The following UBAP1 variants were observed in gnomAD, a reference collection of about 807,000 sequenced individuals.
UBAP1 encodes the protein ubiquitin-associated protein 1.
In UBAP1, 5 loss-of-function variants were observed where a neutral mutation model predicts 39.0. That is an observed-to-expected ratio of 0.13 (90% CI 0.07 to 0.27). The LOEUF is 0.27. Ranked by LOEUF, UBAP1 falls within the 10% of genes least tolerant of loss-of-function variation. UBAP1 has a pLI of 1.00. For synonymous variants in UBAP1, 211 were observed against 225.1 expected (o/e 0.94, Z 0.56); for missense variants, 490 against 608.1 (o/e 0.81, Z 2.04).
intron 1 of UBAP1, among the ~76,000 whole-genome samples, chr9:34,209,967 T>G (rs1449755925): frequency 6.6e-6 from 1 of 152,196 alleles, no homozygotes; most frequent in Non-Finnish European, 1.5e-5. Flanking sequence ...CATATCCACA[T>G]AAACATACTT....
At chr9:34,232,264 A>T (rs1177504383) in intron 2 of UBAP1, among the ~76,000 whole-genome samples, 2 of 151,856 alleles carry the variant, frequency 1.3e-5, no homozygotes, top group Non-Finnish European at 2.9e-5. Context: ...CAAAGGGGTG[A>T]GACTACAGGC....
intron 2 of UBAP1, among the ~76,000 whole-genome samples, chr9:34,226,396 C>T (rs1833109136): frequency 6.6e-6 from 1 of 152,042 alleles, no homozygotes; most frequent in African/African-American, 2.4e-5. Flanking sequence ...ACCACCATGC[C>T]TGGCTAATTT....
At chr9:34,181,508 C>T (rs1446360998) in intron 1 of UBAP1, among the ~76,000 whole-genome samples, 1 of 151,814 alleles carries the variant, frequency 6.6e-6, no homozygotes, top group African/African-American at 2.4e-5. Context: ...TCTCGGCTCT[C>T]TGCAAGCTCT....
At chr9:34,237,310 A>T (rs1737436589) in intron 3 of UBAP1, among the ~76,000 whole-genome samples, 1 of 152,212 alleles carries the variant, frequency 6.6e-6, no homozygotes, top group African/African-American at 2.4e-5. Flanking sequence ...GCAACAGAAA[A>T]ATATGGTACT....
intron 1 of UBAP1, among the ~76,000 whole-genome samples, chr9:34,185,668 A>G (rs896186530): frequency 1.3e-5 from 2 of 152,142 alleles, no homozygotes; most frequent in Non-Finnish European, 2.9e-5. Context: ...CAACACGGTG[A>G]AACCCCGTCT....
intron 1 of UBAP1, among the ~76,000 whole-genome samples, chr9:34,188,917 A>G (rs1643197328): frequency 6.6e-6 from 1 of 152,128 alleles, no homozygotes; most frequent in African/African-American, 2.4e-5. Flanking sequence ...AGATCGTACC[A>G]TTGCACTCCA....
In UBAP1 at chr9:34,245,697, CACTG is replaced by C. The variant is rs200574615; in HGVS notation, c.1083+3594_1083+3597del. On this transcript the variant is annotated intron_variant, in intron 4 of 6. Transcript: ENST00000297661. ...TCACCAAGGGCTTTACTGCTCTGATCACTGACTGTGTGTATCTTTGCCTTATCCC... is the reference window on the plus strand; with the variant it reads ...TCACCAAGGGCTTTACTGCTCTGATCACTGTGTGTATCTTTGCCTTATCCC... 7.5e-3 allele frequency among the ~76,000 whole-genome samples: 576 copies of C among 76,424 alleles called. 8 individuals carry two copies. Among genetic ancestry groups the C allele is most frequent in the African/African-American group, 0.029 (546 of 18,588 alleles). 50.1% of individuals were successfully genotyped at this position (76,424 alleles called of 152,430 possible).
In UBAP1 at chr9:34,246,244, T is replaced by C. The variant is rs62556597; in HGVS notation, c.1084-3535T>C. Among the ~76,000 whole-genome samples, 980 of 152,304 alleles carry C rather than the reference T, an allele frequency of 6.4e-3. 12 individuals are homozygous for C. Among genetic ancestry groups the C allele is most frequent in the Non-Finnish European group, 8.2e-3 (557 of 68,038 alleles). On this transcript the variant is annotated intron_variant, in intron 4 of 6. Coordinates refer to ENST00000297661, the MANE Select transcript of UBAP1 (RefSeq NM_016525.5). ...ACCACACCTGGCTAACTTTTTGTGTTTTGTAGAGATGAGTCTCAACTATGT... is the reference window on the plus strand; with the variant it reads ...ACCACACCTGGCTAACTTTTTGTGTCTTGTAGAGATGAGTCTCAACTATGT...
At chr9:34,225,015 CAT>C (rs1267933255) in intron 2 of UBAP1, among the ~76,000 whole-genome samples, 1 of 152,250 alleles carries the variant, frequency 6.6e-6, no homozygotes, top group East Asian at 1.9e-4. Flanking sequence ...TGGCTAGCAT[CAT>C]AGAGATAGAG....
intron 1 of UBAP1, among the ~76,000 whole-genome samples, chr9:34,185,091 C>T (rs1160849195): frequency 2.0e-5 from 3 of 151,926 alleles, no homozygotes; most frequent in African/African-American, 4.8e-5. Context: ...CCTGCCACCA[C>T]GCCTGCTAAT....
intron 3 of UBAP1, among the ~76,000 whole-genome samples, chr9:34,239,940 A>G (rs886183037): frequency 2.0e-5 from 3 of 152,188 alleles, no homozygotes; most frequent in Non-Finnish European, 2.9e-5. Flanking sequence ...CAAGTATTCT[A>G]CATTACTTTG....
intron 2 of UBAP1, among the ~76,000 whole-genome samples, chr9:34,222,642 T>A (rs945448325): frequency 3.3e-5 from 5 of 151,832 alleles, no homozygotes; most frequent in Non-Finnish European, 5.9e-5. Context: ...AAAAAAATTT[T>A]AAAAATTAGC....
At chr9:34,250,421 G>T (rs1487002458) in intron 5 of UBAP1, among the ~76,000 whole-genome samples, 1 of 152,188 alleles carries the variant, frequency 6.6e-6, no homozygotes, top group African/African-American at 2.4e-5. Flanking sequence ...GTCAGCTGTG[G>T]CTGCAACTCC....
intron 3 of UBAP1, among the ~76,000 whole-genome samples, chr9:34,236,965 C>G (rs1048194518): frequency 1.3e-5 from 2 of 152,050 alleles, no homozygotes; most frequent in African/African-American, 4.8e-5. Flanking sequence ...CGTTATCTCT[C>G]TATATGTTGC....
Position 34,241,994 on chromosome 9 carries a change from T to C in UBAP1, c.969T>C (p.Ala323=). The change falls in exon 4 of 7, where the codon GCT becomes GCC. Residue 323 remains alanine (A), a synonymous_variant. Coordinates refer to ENST00000297661, the MANE Select transcript of UBAP1 (RefSeq NM_016525.5). Reference sequence around the variant, plus strand: ...GGCATCACACTCTTGGGCTTTCAGCTTTGAACTTGGACAGTGGCACAGAGA... The same window carrying C: ...GGCATCACACTCTTGGGCTTTCAGCCTTGAACTTGGACAGTGGCACAGAGA... The part of the protein sequence containing the change: ...LNGHHTLGLS[A]LNLDSGTEMP... 1 of 1,614,182 alleles carries C rather than the reference T, an allele frequency of 6.2e-7. No homozygotes were observed.
Position 34,252,416 on chromosome 9 carries a change from T to C in UBAP1, c.*884T>C, listed in dbSNP as rs957709498. 6.6e-5 allele frequency: 10 copies of C among 152,628 alleles called. No homozygotes were observed. Among genetic ancestry groups the C allele is most frequent in the African/African-American group, 2.4e-4 (10 of 41,444 alleles). 9.5% of individuals were successfully genotyped at this position (152,628 alleles called of 1,614,324 possible). A position where few individuals can be genotyped will look rare whatever the true frequency, so the allele number is the denominator to read the frequency against. On this transcript the variant is annotated 3_prime_UTR_variant, in exon 7 of 7. Transcript: ENST00000297661. ...GGTTTGTTTTGTATTATGTTGTACA[T>C]CATTAAAGATCTAAATACAAAGGAT...
At chr9:34,210,607 T>C (rs1729924475) in intron 1 of UBAP1, among the ~76,000 whole-genome samples, 3 of 151,616 alleles carry the variant, frequency 2.0e-5, no homozygotes, top group Admixed American at 1.3e-4. Flanking sequence ...TAGTACCAGC[T>C]ACCTGGGAGG....
chr9:34,227,688 G>T (rs1346388692), intron 2 of UBAP1, among the ~76,000 whole-genome samples: 2 of 152,184 alleles, frequency 1.3e-5, no homozygotes, highest in African/African-American at 4.8e-5. Context: ...TCAAGGAACT[G>T]CCACAACCGC....
intron 1 of UBAP1, among the ~76,000 whole-genome samples, chr9:34,194,389 GC>G (rs1350621267): frequency 1.3e-5 from 2 of 150,816 alleles, no homozygotes; most frequent in Non-Finnish European, 2.9e-5. Context: ...ATCTCGGCTC[GC>G]TGTAAACTCC....
Sources: gnomAD v4.1 joint callset for allele counts (sites outside exome capture counted in the v4.1 genomes callset) on GRCh38, gnomAD v4.1.1 for gene constraint, MANE v1.5 for transcripts, NCBI Gene and HGNC (gene_info 2026-07-23, HGNC 2026-07-21) for gene names.